SGTA: variants seen among roughly 807,000 people sequenced by gnomAD.
SGTA encodes small glutamine-rich tetratricopeptide repeat-containing protein alpha.
In SGTA, 22 loss-of-function variants were observed where a neutral mutation model predicts 44.3. That is an observed-to-expected ratio of 0.50 (90% CI 0.36 to 0.71). The LOEUF (loss-of-function observed/expected upper bound fraction) is 0.71, where lower values mean the gene tolerates loss of function less well. SGTA is among the 30% of genes least tolerant of loss of function. SGTA has a pLI of 0.00. For missense variants in SGTA, 341 were observed against 435.9 expected (o/e 0.78, Z 1.94); for synonymous variants, 174 against 177.6 (o/e 0.98, Z 0.16).
intron 10 of SGTA, 74 bp downstream of exon 10, chr19:2,757,619 T>A: frequency 6.9e-7 from 1 of 1,447,980 alleles, no homozygotes. Flanking sequence ...ACTTTCGCTC[T>A]CCTCCTTCCC....
rs59804267 is a variant in SGTA at position 2,772,811 on chromosome 19, T to A, written c.-23-3720A>T. ...CAGGGACACCGAGGGCAGAGATGGG[T>A]GACGCGGCCACAGGGCAGGGACACC... is the stretch of plus-strand genomic sequence containing the variant. On this transcript the variant is annotated intron_variant, in intron 1 of 11. Transcript: ENST00000221566. 2.4e-5 allele frequency among the ~76,000 whole-genome samples: 3 copies of A among 125,592 alleles called. 1 individual carries two copies. Among genetic ancestry groups the A allele is most frequent in the East Asian group, 6.0e-4 (2 of 3,332 alleles). 82.4% of individuals were successfully genotyped at this position (125,592 alleles called of 152,430 possible).
In SGTA at chr19:2,761,603, G is replaced by GC. The variant is rs915533145; in HGVS notation, c.637-82dup. ...AACCCCCTGGAACTCAGAAACAACG[G>GC]CCCCCCACGGGGCTCAGACATTCTA... is the stretch of plus-strand genomic sequence containing the variant. On this transcript the variant is annotated intron_variant, in intron 7 of 11. Coordinates refer to ENST00000221566, the MANE Select transcript of SGTA (RefSeq NM_003021.4). This position sits in a 1 kb window ranked among gnomAD's most constrained non-coding sequence, Gnocchi z 5.7. 104 of 1,171,178 alleles carry GC rather than the reference G, an allele frequency of 8.9e-5. No individual in the cohort carries two copies. Among genetic ancestry groups the GC allele is most frequent in the African/African-American group, 5.9e-4 (39 of 65,654 alleles). 72.5% of individuals were successfully genotyped at this position (1,171,178 alleles called of 1,614,324 possible).
intron 8 of SGTA, among the ~76,000 whole-genome samples, chr19:2,760,538 A>AAG (rs1208255202): frequency 9.9e-5 from 15 of 151,250 alleles, no homozygotes; most frequent in African/African-American, 3.6e-4. Context: ...AAAAAAAAAA[A>AAG]AACCAAAAAA....
chr19:2,766,834 G>A (rs1319810814), intron 4 of SGTA, among the ~76,000 whole-genome samples: 1 of 151,968 alleles, frequency 6.6e-6, no homozygotes, highest in African/African-American at 2.4e-5. Flanking sequence ...TAGTATCAGG[G>A]TGGAACCGGC....
chr19:2,775,660 G>C (rs1169900393), intron 1 of SGTA, among the ~76,000 whole-genome samples: 4 of 152,216 alleles, frequency 2.6e-5, no homozygotes, highest in African/African-American at 4.8e-5. Flanking sequence ...GGAAGGAGAC[G>C]CGTGGGTGCC....
intron 1 of SGTA, among the ~76,000 whole-genome samples, chr19:2,775,224 G>C (rs372054370): frequency 1.3e-5 from 2 of 152,218 alleles, no homozygotes; most frequent in African/African-American, 4.8e-5. Context: ...ATCCGCGCCC[G>C]GCAGGCGCCT....
chr19:2,757,692 C>A lies in SGTA; in HGVS notation c.827+1G>T. 1 of 1,572,888 alleles carries A rather than the reference C, an allele frequency of 6.4e-7. No homozygotes were observed. The stretch of plus-strand genomic sequence containing the variant: ...GTCCTCTTGGAAGCAGTTCCACTCA[C>A]GCCTGGATGAGGCTGGCCAGGTCGT... On this transcript the variant is annotated splice_donor_variant, in intron 10 of 11. Coordinates refer to ENST00000221566, the MANE Select transcript of SGTA (RefSeq NM_003021.4). LOFTEE classifies it high-confidence loss of function.
intron 4 of SGTA, among the ~76,000 whole-genome samples, chr19:2,766,199 G>C (rs140698135): frequency 6.6e-6 from 1 of 151,964 alleles, no homozygotes; most frequent in African/African-American, 2.4e-5. Context: ...CTGGGCGACA[G>C]AGCGAGACTC....
At chr19:2,757,811 C>T (rs368408301) in intron 9 of SGTA, 29 bp from the exon 10 acceptor site, 43 of 1,490,874 alleles carry the variant, frequency 2.9e-5, no homozygotes, top group Middle Eastern at 1.8e-4. Flanking sequence ...GACTCGCAGC[C>T]GGGACAGCCT....
chr19:2,775,196 A>T (rs1380153854), intron 1 of SGTA, among the ~76,000 whole-genome samples: 1 of 152,248 alleles, frequency 6.6e-6, no homozygotes, highest in Non-Finnish European at 1.5e-5. Context: ...AGGCCACTGG[A>T]GCCACAGGCA....
intron 1 of SGTA, among the ~76,000 whole-genome samples, chr19:2,779,994 C>T (rs934996195): frequency 2.0e-5 from 3 of 151,958 alleles, no homozygotes; most frequent in African/African-American, 4.8e-5. Flanking sequence ...GAGGCTGAGG[C>T]GAGAGGATTG....
At position 2,755,820 on chromosome 19, in the gene SGTA, G is replaced by C. The variant is rs1914805788; in HGVS notation, c.*120C>G. On this transcript the variant is annotated 3_prime_UTR_variant, in exon 12 of 12. Transcript: ENST00000221566. This position sits in a 1 kb window ranked among gnomAD's most constrained non-coding sequence, Gnocchi z 5.2. The stretch of plus-strand genomic sequence containing the variant: ...AGGGGAAAATCCATCTTGACATGCA[G>C]GTCCGAGGTCTCTCTCTTCCCCTCT... 1.0e-6 allele frequency: 1 copy of C among 985,546 alleles called. No homozygotes were observed. Among genetic ancestry groups the C allele is most frequent in the Non-Finnish European group, 1.2e-6 (1 of 830,016 alleles). The allele number at this position is 985,546 out of a possible 1,614,324, so 61.1% of individuals were successfully genotyped here.
Position 2,761,328 on chromosome 19 carries a change from A to G in SGTA, c.699+132T>C, listed in dbSNP as rs1914981505. The G allele has an allele frequency of 1.2e-6, 1 of 859,586 alleles. No individual in the cohort carries two copies. Among genetic ancestry groups the G allele is most frequent in the Admixed American group, 2.1e-5 (1 of 47,004 alleles). The allele number at this position is 859,586 out of a possible 1,614,324, so 53.2% of individuals were successfully genotyped here. ...CCTGCGGTGCCCAGGACGACCCCAC[A>G]GACAAGACCCATCTGGTTCCAGAAG... On this transcript the variant is annotated intron_variant, in intron 8 of 11. Transcript: ENST00000221566. The surrounding 1 kb of genome is among the most constrained non-coding windows in gnomAD (Gnocchi z 5.7).
At position 2,755,491 on chromosome 19, in the gene SGTA, C is replaced by G. The variant is rs185631188; in HGVS notation, c.*449G>C. On this transcript the variant is annotated 3_prime_UTR_variant, in exon 12 of 12. Transcript: ENST00000221566. The surrounding 1 kb of genome is among the most constrained non-coding windows in gnomAD (Gnocchi z 5.2). ...GGCCGGGGTGGCCGGGAGGTCGACT[C>G]GGAAAGAGGCTTCTCACAGACGGGA... is the stretch of plus-strand genomic sequence containing the variant. 1 of 986,966 alleles carries G rather than the reference C, an allele frequency of 1.0e-6. No homozygotes were observed. The allele number at this position is 986,966 out of a possible 1,614,324, so 61.1% of individuals were successfully genotyped here.
chr19:2,762,923 G>T (rs1020513913), intron 6 of SGTA, among the ~76,000 whole-genome samples: 1 of 152,240 alleles, frequency 6.6e-6, no homozygotes, highest in Non-Finnish European at 1.5e-5. Flanking sequence ...AGAGGAGGGA[G>T]CGGGCCAGCT....
intron 1 of SGTA, among the ~76,000 whole-genome samples, chr19:2,776,625 T>C (rs1915451438): frequency 6.6e-6 from 1 of 152,194 alleles, no homozygotes; most frequent in Non-Finnish European, 1.5e-5. Context: ...GCTACATAGC[T>C]GTGTGAATGT....
chr19:2,759,855 G>A (rs1162225094), intron 8 of SGTA, among the ~76,000 whole-genome samples: 1 of 152,082 alleles, frequency 6.6e-6, no homozygotes, highest in Non-Finnish European at 1.5e-5. Flanking sequence ...AGCTACTTGG[G>A]AAACTGAGGC....
rs1599499493 is a variant in SGTA at position 2,763,544 on chromosome 19, T to G, written c.497+109A>C. 2 of 695,612 alleles carry G rather than the reference T, an allele frequency of 2.9e-6. No homozygotes were observed. The highest frequency in any genetic ancestry group is 4.8e-6 in the Non-Finnish European group (2 of 415,366). The allele number at this position is 695,612 out of a possible 1,614,324, so 43.1% of individuals were successfully genotyped here. On this transcript the variant is annotated intron_variant, in intron 6 of 11. Coordinates refer to ENST00000221566, the MANE Select transcript of SGTA (RefSeq NM_003021.4). This position sits in a 1 kb window ranked among gnomAD's most constrained non-coding sequence, Gnocchi z 5.8. Reference sequence around the variant, plus strand: ...GTGTCAGAGTTGAACTGAACCGGGGTGGGAGAATTCGTTGTGGGTGGGAAA... The same window carrying G: ...GTGTCAGAGTTGAACTGAACCGGGGGGGGAGAATTCGTTGTGGGTGGGAAA...
At chr19:2,768,874 G>T in intron 2 of SGTA, 95 bp downstream of exon 2, 2 of 909,760 alleles carry the variant, frequency 2.2e-6, no homozygotes, top group Non-Finnish European at 3.5e-6. Flanking sequence ...AAAAAGCCAG[G>T]CGGGGGACCA....
Sources: gnomAD v4.1 joint callset for allele counts (sites outside exome capture counted in the v4.1 genomes callset) on GRCh38, gnomAD v4.1.1 for gene constraint, Gnocchi (gnomAD v3.1) non-coding constraint, MANE v1.5 for transcripts, NCBI Gene and HGNC (gene_info 2026-07-23, HGNC 2026-07-21) for gene names.